The following XRN1 variants were observed in gnomAD, a reference collection of about 807,000 sequenced individuals.
The protein encoded by XRN1 is 5'-3' exoribonuclease 1, also known as strand-exchange protein 1 homolog.
A neutral mutation model predicts 222.3 loss-of-function variants in XRN1; 67 were observed. That is an observed-to-expected ratio of 0.30 (90% CI 0.25 to 0.37). The LOEUF is 0.37. XRN1 is among the 10% of genes least tolerant of loss of function. The probability of loss-of-function intolerance (pLI) is 1.00; values close to 1 mark genes in which losing one functional copy is unlikely to be tolerated. For missense variants in XRN1, 1,707 were observed against 2,000.2 expected (o/e 0.85, Z 2.80); for synonymous variants, 643 against 652.4 (o/e 0.99, Z 0.22).
chr3:142,439,990 G>A (rs576717483), intron 1 of XRN1, among the ~76,000 whole-genome samples: 14 of 150,592 alleles, frequency 9.3e-5, no homozygotes, highest in South Asian at 2.1e-4. Context: ...CCTCTGAGAC[G>A]AAGGTCTCAG....
intron 2 of XRN1, among the ~76,000 whole-genome samples, chr3:142,428,758 G>A (rs2069375008): frequency 6.6e-6 from 1 of 152,162 alleles, no homozygotes; most frequent in African/African-American, 2.4e-5. Flanking sequence ...TTAAGGGGAA[G>A]ATGAGTTCAG....
chr3:142,329,626 A>G lies in XRN1; in HGVS notation c.4223-11T>C. The G allele has an allele frequency of 6.5e-7, 1 of 1,528,400 alleles. No homozygotes were observed. Among genetic ancestry groups the G allele is most frequent in the South Asian group, 1.3e-5 (1 of 74,620 alleles). 94.7% of individuals were successfully genotyped at this position (1,528,400 alleles called of 1,614,324 possible). On this transcript the variant is annotated splice_polypyrimidine_tract_variant and intron_variant, in intron 36 of 40. Coordinates refer to ENST00000392981, the MANE Select transcript of XRN1 (RefSeq NM_001282857.2). Reference sequence around the variant, plus strand: ...TGTTCATATAAGATGCTACCAAAAAAGAGAAAAGAGTCTATCTTTATTAAT... The same window carrying G: ...TGTTCATATAAGATGCTACCAAAAAGGAGAAAAGAGTCTATCTTTATTAAT...
At chr3:142,356,347 C>T (rs906961187) in intron 31 of XRN1, among the ~76,000 whole-genome samples, 1 of 151,776 alleles carries the variant, frequency 6.6e-6, no homozygotes, top group Non-Finnish European at 1.5e-5. Flanking sequence ...CTGTGTTTTC[C>T]AATTGGTTTA....
intron 32 of XRN1, among the ~76,000 whole-genome samples, chr3:142,353,360 C>G (rs1001023491): frequency 6.6e-6 from 1 of 152,122 alleles, no homozygotes; most frequent in African/African-American, 2.4e-5. Flanking sequence ...ATAGCCAAGG[C>G]AATTTTAAAC....
At chr3:142,396,074 CA>C (rs2067917610) in intron 20 of XRN1, among the ~76,000 whole-genome samples, 3 of 152,204 alleles carry the variant, frequency 2.0e-5, no homozygotes, top group Admixed American at 2.0e-4. Flanking sequence ...CTGTAAATAT[CA>C]TAAGTGTAGG....
In XRN1 at chr3:142,403,948, T is replaced by C. The variant is rs1559853740; in HGVS notation, c.1925A>G (p.Asn642Ser). ...ISLDAWRVDI[N>S]KNKITRIDQK... ...GTCAATTCTGGTTATTTTGTTTTTG[T>C]TTATGTCTACACGCCAAGCATCTAA... Residue 642 changes from asparagine to serine, a missense_variant, in exon 17 of 41, where the codon AAC becomes AGC. By Grantham distance (46) the Asn-to-Ser change is conservative (BLOSUM62 1). Coordinates refer to ENST00000392981, the MANE Select transcript of XRN1 (RefSeq NM_001282857.2). The C allele has an allele frequency of 4.4e-6, 7 of 1,606,608 alleles. No individual in the cohort carries two copies. Among genetic ancestry groups the C allele is most frequent in the African/African-American group, 1.3e-5 (1 of 74,880 alleles).
At chr3:142,313,483 T>C (rs984791050) in intron 39 of XRN1, among the ~76,000 whole-genome samples, 2 of 152,146 alleles carry the variant, frequency 1.3e-5, no homozygotes, top group African/African-American at 2.4e-5. Context: ...AGTAGAGCAT[T>C]TGAAAACTAC....
chr3:142,365,025 A>G (rs200425548), intron 29 of XRN1, 22 bp downstream of exon 29: 21 of 1,605,752 alleles, frequency 1.3e-5, no homozygotes, highest in Admixed American at 1.2e-4. Context: ...CGTTGAAGAC[A>G]TTTCAAGTAT....
At chr3:142,345,719 A>G (rs904993147) in intron 33 of XRN1, among the ~76,000 whole-genome samples, 11 of 152,244 alleles carry the variant, frequency 7.2e-5, no homozygotes, top group African/African-American at 2.7e-4. Flanking sequence ...AGATTAAAAA[A>G]TCCAATTAAA....
intron 1 of XRN1, among the ~76,000 whole-genome samples, chr3:142,438,914 C>G (rs1230331630): frequency 6.6e-6 from 1 of 151,906 alleles, no homozygotes; most frequent in African/African-American, 2.4e-5. Flanking sequence ...CAGTGTCCCC[C>G]CGACTCCTTC....
intron 20 of XRN1, among the ~76,000 whole-genome samples, chr3:142,385,635 T>C (rs2067471852): frequency 6.6e-6 from 1 of 152,200 alleles, no homozygotes; most frequent in Non-Finnish European, 1.5e-5. Flanking sequence ...AAATATTTAC[T>C]ATTTGCCCTT....
chr3:142,322,243 G>T lies in XRN1; in HGVS notation c.4405-3340C>A, dbSNP rs530710060. Among the ~76,000 whole-genome samples, 16 of 152,214 alleles carry T rather than the reference G, an allele frequency of 1.1e-4. No homozygotes were observed. The South Asian group carries it at 3.1e-3, about 30-fold the overall frequency. Reference sequence around the variant, plus strand: ...TATGCATATATTTTTTAGAGTTGGGGTCTCACTCTGTTGCCCAGGCTGGAG... The same window carrying T: ...TATGCATATATTTTTTAGAGTTGGGTTCTCACTCTGTTGCCCAGGCTGGAG... On this transcript the variant is annotated intron_variant, in intron 37 of 40. Transcript: ENST00000392981.
intron 27 of XRN1, among the ~76,000 whole-genome samples, chr3:142,365,801 T>G (rs1407665171): frequency 6.6e-6 from 1 of 152,136 alleles, no homozygotes; most frequent in Admixed American, 6.5e-5. Flanking sequence ...GTTTTGGCCT[T>G]TATATAAATG....
At chr3:142,420,990 G>A (rs376251292) in intron 10 of XRN1, 26 bp downstream of exon 10, 43 of 1,612,410 alleles carry the variant, frequency 2.7e-5, no homozygotes, top group Non-Finnish European at 3.3e-5. Context: ...TTAAAACAAT[G>A]AAAGGACACC....
At chr3:142,442,764 C>T (rs1030236356) in intron 1 of XRN1, among the ~76,000 whole-genome samples, 2 of 152,106 alleles carry the variant, frequency 1.3e-5, no homozygotes, top group Non-Finnish European at 2.9e-5. Flanking sequence ...GATGGAATCT[C>T]GCTCTGTTGC....
intron 1 of XRN1, among the ~76,000 whole-genome samples, chr3:142,444,597 C>T (rs893657141): frequency 5.3e-5 from 8 of 151,642 alleles, no homozygotes; most frequent in African/African-American, 9.7e-5. Context: ...TGACAGAGCG[C>T]GACCTTGTAT....
At chr3:142,421,344 G>A in intron 9 of XRN1, 132 bp downstream of exon 9, 2 of 934,154 alleles carry the variant, frequency 2.1e-6, no homozygotes, top group Non-Finnish European at 3.1e-6. Context: ...AATTAATTTA[G>A]GTAAAAGTGT....
Position 142,408,475 on chromosome 3 carries a change from T to C in XRN1, c.1714-3399A>G, listed in dbSNP as rs1383452184. 3.5e-4 allele frequency among the ~76,000 whole-genome samples: 53 copies of C among 152,180 alleles called. 1 individual carries two copies. The highest frequency in any genetic ancestry group is 5.9e-5 in the Non-Finnish European group (4 of 68,026). Reference sequence around the variant, plus strand: ...GCACCTGCATTTTGACTGCAACCCATCCCATGACACCAGGTGCAGATTTTC... The same window carrying C: ...GCACCTGCATTTTGACTGCAACCCACCCCATGACACCAGGTGCAGATTTTC... On this transcript the variant is annotated intron_variant, in intron 15 of 40. Coordinates refer to ENST00000392981, the MANE Select transcript of XRN1 (RefSeq NM_001282857.2).
At position 142,376,558 on chromosome 3, in the gene XRN1, C is replaced by T. The variant is rs762036244; in HGVS notation, c.2752G>A (p.Ala918Thr). Residue 918 changes from alanine to threonine, a missense_variant, in exon 24 of 41, where the codon GCC becomes ACC. This residue lies in a region of XRN1 where 1,234 missense variants were observed against 1,518.2 expected (regional missense o/e 0.81). Transcript: ENST00000392981. The part of the protein sequence containing the change: ...SIKYNPGYVL[A>T]SRLGVSGYLV... ...TATCCACTCACTCCAAGGCGACTGGCCAACACATATCCTGGGTTGTACTTT... is the reference window on the plus strand; with the variant it reads ...TATCCACTCACTCCAAGGCGACTGGTCAACACATATCCTGGGTTGTACTTT... 3 of 1,612,852 alleles carry T rather than the reference C, an allele frequency of 1.9e-6. No homozygotes were observed. In the African/African-American group the frequency reaches 4.0e-5, roughly 22 times the overall value.
Sources: allele counts gnomAD v4.1 joint callset (sites outside exome capture counted in the v4.1 genomes callset), GRCh38; gene constraint gnomAD v4.1.1; regional missense constraint gnomAD v4.1.1; transcripts MANE v1.5; gene names NCBI Gene and HGNC (gene_info 2026-07-23, HGNC 2026-07-21).